Variants in CCNC observed in about 807,000 individuals in gnomAD.
The protein encoded by CCNC is cyclin C, also known as cyclin-C.
Under a neutral mutation model 50.0 loss-of-function variants are expected in CCNC, and 19 were observed. The ratio of observed to expected loss-of-function variants is 0.38; its 90% CI spans 0.27 to 0.56. The LOEUF is 0.56. CCNC is among the 20% of genes least tolerant of loss of function. The pLI is 0.72. For missense variants in CCNC, 200 were observed against 327.1 expected, an observed-to-expected ratio of 0.61 and a Z score of 3.00; for synonymous variants, 93 against 103.7, an observed-to-expected ratio of 0.90 and a Z score of 0.63.
rs545443685 is a variant in CCNC, at chr6:99,552,109, A to G, written c.347-214T>C. 1.9e-3 allele frequency among the ~76,000 whole-genome samples: 283 copies of G among 152,208 alleles called. 3 individuals are homozygous for G. Among genetic ancestry groups the G allele is most frequent in the African/African-American group, 6.5e-3 (270 of 41,544 alleles). On this transcript the variant is annotated intron_variant, in intron 5 of 11. Transcript: ENST00000520429. The stretch of plus-strand genomic sequence containing the variant: ...ACACAGCTTCAATTTTATATTTACT[A>G]CCTTAAGAAAGGATTCTGATGTTTA...
chr6:99,550,183 C>CT (rs1802232817), intron 8 of CCNC, 35 bp downstream of exon 8: 4 of 1,388,100 alleles, frequency 2.9e-6, no homozygotes, highest in Non-Finnish European at 2.0e-6. Context: ...TATCTAATAA[C>CT]ATGTTACACT....
chr6:99,557,405 T>C (rs1156983312), intron 5 of CCNC: 2 of 152,178 alleles, frequency 1.3e-5, no homozygotes, highest in Non-Finnish European at 2.9e-5. Context: ...TTACCAAGTA[T>C]TGTGGACCAA....
At chr6:99,558,746 TA>T (rs561857576) in intron 4 of CCNC, among the ~76,000 whole-genome samples, 198 bp from the exon 5 acceptor site, 5 of 152,166 alleles carry the variant, frequency 3.3e-5, no homozygotes, top group Non-Finnish European at 7.4e-5. Context: ...TTTTCTGATT[TA>T]GGAATATTTT....
At chr6:99,543,994 GAAA>G (rs1801971993) in intron 11 of CCNC, 1 of 1,149,912 alleles carries the variant, frequency 8.7e-7, no homozygotes, top group East Asian at 3.3e-5. Flanking sequence ...TACTATTTAT[GAAA>G]AACAAGAAGT....
rs1253796729 is a variant in CCNC at position 99,542,758 on chromosome 6, C to T, written c.*797G>A. On this transcript the variant is annotated 3_prime_UTR_variant, in exon 12 of 12. Coordinates refer to ENST00000520429, the MANE Select transcript of CCNC (RefSeq NM_005190.4). ...TAGGGTGTGTATATCTTATAAAAACCTTTTCACAGTAAAAATCAACATTAA... is the reference window on the plus strand; with the variant it reads ...TAGGGTGTGTATATCTTATAAAAACTTTTTCACAGTAAAAATCAACATTAA... 1.3e-5 allele frequency: 2 copies of T among 152,428 alleles called. No individual in the cohort carries two copies. Among genetic ancestry groups the T allele is most frequent in the African/African-American group, 4.8e-5 (2 of 41,422 alleles). The allele number at this position is 152,428 out of a possible 1,614,324, so 9.4% of individuals were successfully genotyped here. A position where few individuals can be genotyped will look rare whatever the true frequency, so the allele number is the denominator to read the frequency against.
intron 1 of CCNC, among the ~76,000 whole-genome samples, chr6:99,567,410 CACACACACACATATAT>C (rs1476113361): frequency 8.8e-6 from 1 of 113,264 alleles, no homozygotes; most frequent in Non-Finnish European, 1.8e-5. Flanking sequence ...TATATACATA[CACACACACACATATAT>C]ATACACACAC....
At chr6:99,568,317 TG>T in intron 1 of CCNC, 178 bp downstream of exon 1, 1 of 605,548 alleles carries the variant, frequency 1.7e-6, no homozygotes. Context: ...AAACTGGGGC[TG>T]GGGGCGGGGA....
chr6:99,561,514 T>C (rs1802778502), intron 3 of CCNC, 78 bp from the exon 4 acceptor site: 2 of 1,339,386 alleles, frequency 1.5e-6, no homozygotes, highest in Non-Finnish European at 2.1e-6. Flanking sequence ...AACTCTATGG[T>C]AGACACATGA....
At chr6:99,567,021 T>C (rs1383967076) in intron 1 of CCNC, 1 of 438,620 alleles carries the variant, frequency 2.3e-6, no homozygotes, top group Non-Finnish European at 4.6e-6. Flanking sequence ...CAAGGCAAAG[T>C]GGTCCCTTCT....
At chr6:99,558,469 T>G in intron 5 of CCNC, 28 bp downstream of exon 5, 1 of 1,611,122 alleles carries the variant, frequency 6.2e-7, no homozygotes, top group Non-Finnish European at 8.5e-7. Flanking sequence ...AATTACATCC[T>G]TAAAGCAGAT....
rs1320558488 is a variant in CCNC, at chr6:99,551,132, AT to A, written c.403-105del. On this transcript the variant is annotated intron_variant, in intron 6 of 11. Transcript: ENST00000520429. ...CAGACATTATAGTAATTTATCAAAAATTTTTACTAAAAAGTTTTAAAAATCC... is the reference window on the plus strand; with the variant it reads ...CAGACATTATAGTAATTTATCAAAAATTTTACTAAAAAGTTTTAAAAATCC... The A allele has an allele frequency of 2.0e-5, 11 of 555,666 alleles. No individual in the cohort carries two copies. The African/African-American group carries it at 2.2e-4, about 11-fold the overall frequency. 34.4% of individuals were successfully genotyped at this position (555,666 alleles called of 1,614,324 possible). A position where few individuals can be genotyped will look rare whatever the true frequency, so the allele number is the denominator to read the frequency against.
chr6:99,546,380 C>T lies in CCNC; in HGVS notation c.678+15G>A, dbSNP rs540253843. 2.6e-6 allele frequency: 4 copies of T among 1,567,920 alleles called. No homozygotes were observed. In the African/African-American group the frequency reaches 4.1e-5, roughly 16 times the overall value. On this transcript the variant is annotated intron_variant, in intron 10 of 11. Coordinates refer to ENST00000520429, the MANE Select transcript of CCNC (RefSeq NM_005190.4). The stretch of plus-strand genomic sequence containing the variant: ...ATTTTTAAACATCCAAGTTTACATA[C>T]AACTAAGGGAATACCTTTTCCATAT...
At chr6:99,558,347 C>A in intron 5 of CCNC, 150 bp downstream of exon 5, 1 of 1,167,032 alleles carries the variant, frequency 8.6e-7, no homozygotes, top group Non-Finnish European at 1.1e-6. Context: ...GATTTTTTTG[C>A]CAGATACACT....
chr6:99,565,508 T>C (rs1167597533), intron 1 of CCNC, among the ~76,000 whole-genome samples: 1 of 152,076 alleles, frequency 6.6e-6, no homozygotes, highest in Non-Finnish European at 1.5e-5. Flanking sequence ...AGTTTTCTCA[T>C]TAATTTTATT....
intron 11 of CCNC, chr6:99,544,001 A>T (rs1801972312): frequency 8.5e-7 from 1 of 1,176,276 alleles, no homozygotes; most frequent in African/African-American, 2.5e-5. Flanking sequence ...TATGAAAAAC[A>T]AGAAGTGTTC....
chr6:99,552,003 T>A, intron 5 of CCNC, 108 bp from the exon 6 acceptor site: 1 of 678,990 alleles, frequency 1.5e-6, no homozygotes, highest in Non-Finnish European at 2.1e-6. Flanking sequence ...TTATTTTCAG[T>A]AGGAATTCTT....
chr6:99,564,146 C>T (rs1036558794), intron 1 of CCNC, among the ~76,000 whole-genome samples: 9 of 152,010 alleles, frequency 5.9e-5, no homozygotes, highest in South Asian at 4.2e-4. Flanking sequence ...TAATCCTGGC[C>T]GGGCGCGGTG....
chr6:99,544,747 A>G (rs1413498086), intron 11 of CCNC, among the ~76,000 whole-genome samples: 5 of 25,396 alleles, frequency 2.0e-4, no homozygotes, highest in African/African-American at 5.3e-4. Flanking sequence ...CCAGCAGTGA[A>G]AAAAAAAAAA....
At chr6:99,566,101 A>C (rs566167877) in intron 1 of CCNC, among the ~76,000 whole-genome samples, 1 of 152,128 alleles carries the variant, frequency 6.6e-6, no homozygotes, top group South Asian at 2.1e-4. Flanking sequence ...GATAACCCAA[A>C]AGTACCCCTG....
Sources: gnomAD v4.1 joint callset for allele counts (sites outside exome capture counted in the v4.1 genomes callset) on GRCh38, gnomAD v4.1.1 for gene constraint, MANE v1.5 for transcripts, NCBI Gene and HGNC (gene_info 2026-07-23, HGNC 2026-07-21) for gene names.